LEMD1: variants seen among roughly 807,000 people sequenced by gnomAD.
The protein encoded by LEMD1 is LEM domain containing 1.
Under a neutral mutation model 17.4 loss-of-function variants are expected in LEMD1, and 18 were observed. That is an observed-to-expected ratio of 1.04 (90% CI 0.72 to 1.54). The LOEUF is 1.54. Among genes scored for constraint, LEMD1 ranks in the 40% most tolerant of loss-of-function variants. The pLI, the probability that LEMD1 is intolerant of heterozygous loss-of-function variation, is 0.00. For synonymous variants in LEMD1, 88 were observed against 77.8 expected (o/e 1.13, Z -0.69); for missense variants, 195 against 210.4 (o/e 0.93, Z 0.45).
intron 4 of LEMD1, among the ~76,000 whole-genome samples, chr1:205,400,445 G>A (rs138108140): frequency 8.6e-4 from 131 of 152,306 alleles, no homozygotes; most frequent in African/African-American, 2.7e-3. Context: ...GTCCCACGGC[G>A]ATGTAATGAG....
intron 4 of LEMD1, among the ~76,000 whole-genome samples, chr1:205,407,756 C>G (rs911254777): frequency 6.6e-6 from 1 of 152,130 alleles, no homozygotes; most frequent in Admixed American, 6.5e-5. Context: ...AGACCCAGGA[C>G]TTGAGATTGG....
chr1:205,448,262 C>G lies in LEMD1; in HGVS notation c.-39+1606G>C. The G allele has an allele frequency of 2.0e-6, 1 of 510,906 alleles. No individual in the cohort carries two copies. The highest frequency in any genetic ancestry group is 4.1e-6 in the Non-Finnish European group (1 of 242,712). 31.6% of individuals were successfully genotyped at this position (510,906 alleles called of 1,614,324 possible). ...TTCTGGTGCCCCTTGGTGGCTGGCTCCGAACCTGGTCCCATGGGAGGTGCA... is the reference window on the plus strand; with the variant it reads ...TTCTGGTGCCCCTTGGTGGCTGGCTGCGAACCTGGTCCCATGGGAGGTGCA... On this transcript the variant is annotated intron_variant, in intron 1 of 3. Transcript: ENST00000367154. The surrounding 1 kb of genome is among the most constrained non-coding windows in gnomAD (Gnocchi z 4.7).
At chr1:205,389,174 G>A (rs559374360) in intron 4 of LEMD1, among the ~76,000 whole-genome samples, 3 of 146,274 alleles carry the variant, frequency 2.1e-5, no homozygotes, top group Admixed American at 1.4e-4. Flanking sequence ...TCAGCCTCCC[G>A]AGTAGCTGAG....
intron 1 of LEMD1, among the ~76,000 whole-genome samples, chr1:205,449,414 G>A (rs932685558): frequency 2.0e-5 from 3 of 151,988 alleles, no homozygotes; most frequent in African/African-American, 7.2e-5. Context: ...ATGGTAAGAG[G>A]CCCCAGGCCC....
chr1:205,390,369 AC>A (rs1358968402), intron 4 of LEMD1, among the ~76,000 whole-genome samples: 2 of 151,768 alleles, frequency 1.3e-5, no homozygotes, highest in Non-Finnish European at 2.9e-5. Context: ...AAAAAAAAAA[AC>A]AACAAACTTT....
At chr1:205,447,949 A>C (rs1456867993) in intron 1 of LEMD1, among the ~76,000 whole-genome samples, 2 of 152,202 alleles carry the variant, frequency 1.3e-5, no homozygotes, top group Non-Finnish European at 2.9e-5. Context: ...GCAAAGGCCC[A>C]AGTCTTCATG....
upstream of LEMD1, among the ~76,000 whole-genome samples, chr1:205,422,450 G>T (rs977103058): frequency 6.6e-6 from 1 of 152,188 alleles, no homozygotes; most frequent in Non-Finnish European, 1.5e-5. Context: ...GTATTAATTT[G>T]TTAAGGATTA....
rs1030774600 is a variant in LEMD1 at position 205,448,449 on chromosome 1, C to T, written c.-39+1419G>A. Reference sequence around the variant, plus strand: ...TAGGGAAGCGAGAAGCTGGGGCACCCGAGAAGCCCTCACTCCCCTTCTCAG... The same window carrying T: ...TAGGGAAGCGAGAAGCTGGGGCACCTGAGAAGCCCTCACTCCCCTTCTCAG... On this transcript the variant is annotated intron_variant, in intron 1 of 3. Transcript: ENST00000367154. This position sits in a 1 kb window ranked among gnomAD's most constrained non-coding sequence, Gnocchi z 4.7. 3 of 529,328 alleles carry T rather than the reference C, an allele frequency of 5.7e-6. No homozygotes were observed. The highest frequency in any genetic ancestry group is 2.0e-5 in the Admixed American group (1 of 51,128). The allele number at this position is 529,328 out of a possible 1,614,324, so 32.8% of individuals were successfully genotyped here.
chr1:205,430,743 G>A (rs1170956579), intron 1 of LEMD1, among the ~76,000 whole-genome samples: 1 of 152,204 alleles, frequency 6.6e-6, no homozygotes, highest in African/African-American at 2.4e-5. Context: ...AGCAGCCGGC[G>A]AGGCGCACTG....
intron 4 of LEMD1, among the ~76,000 whole-genome samples, chr1:205,389,549 TTCTC>T (rs1453455692): frequency 2.0e-5 from 3 of 152,188 alleles, no homozygotes; most frequent in Non-Finnish European, 2.9e-5. Flanking sequence ...TACCCTTTCT[TTCTC>T]TTATTCTCCC....
chr1:205,429,901 G>A (rs1027344391), intron 1 of LEMD1, among the ~76,000 whole-genome samples: 10 of 152,094 alleles, frequency 6.6e-5, no homozygotes, highest in African/African-American at 1.7e-4. Context: ...GAGGGCAGCC[G>A]GCAGCCAGGC....
At chr1:205,431,530 GT>G (rs1294807073) in intron 1 of LEMD1, among the ~76,000 whole-genome samples, 1 of 152,176 alleles carries the variant, frequency 6.6e-6, no homozygotes, top group African/African-American at 2.4e-5. Flanking sequence ...GCCACAGATA[GT>G]AAAGACAACA....
At chr1:205,411,819 C>G (rs1665467109) in intron 4 of LEMD1, among the ~76,000 whole-genome samples, 1 of 152,104 alleles carries the variant, frequency 6.6e-6, no homozygotes, top group Non-Finnish European at 1.5e-5. Context: ...GCTGGGAGAA[C>G]AGAGTAAACT....
At chr1:205,414,304 C>T (rs577007918) in intron 4 of LEMD1, among the ~76,000 whole-genome samples, 6 of 151,726 alleles carry the variant, frequency 4.0e-5, no homozygotes, top group East Asian at 1.9e-4. Context: ...ATATGGAGGC[C>T]GGGCAAGGTG....
intron 4 of LEMD1, among the ~76,000 whole-genome samples, chr1:205,399,656 G>T (rs1664747415): frequency 6.6e-6 from 1 of 152,206 alleles, no homozygotes; most frequent in African/African-American, 2.4e-5. Flanking sequence ...ATAATGATGA[G>T]GACATGTCAA....
At chr1:205,422,816 G>A (rs868655854), upstream of LEMD1, among the ~76,000 whole-genome samples, 1 of 152,182 alleles carries the variant, frequency 6.6e-6, no homozygotes, top group Non-Finnish European at 1.5e-5. Flanking sequence ...GAGGACAGTG[G>A]AGACAGCCTG....
intron 1 of LEMD1, among the ~76,000 whole-genome samples, chr1:205,427,147 C>T (rs1468150682): frequency 6.6e-6 from 1 of 152,128 alleles, no homozygotes; most frequent in East Asian, 1.9e-4. Flanking sequence ...CTGGCTTTCA[C>T]ATCTGTGAAA....
At position 205,381,460 on chromosome 1, in the gene LEMD1, C is replaced by A; in HGVS notation, c.*198G>T. ...CTTGGGGGATTTCCTAACCATCATG[C>A]TCTTAACACAGGTGCCTGGTTAGGC... On this transcript the variant is annotated 3_prime_UTR_variant, in exon 6 of 6. Transcript: ENST00000367153. 1.7e-6 allele frequency: 1 copy of A among 604,914 alleles called. No homozygotes were observed. Among genetic ancestry groups the A allele is most frequent in the Non-Finnish European group, 2.9e-6 (1 of 340,592 alleles). The allele number at this position is 604,914 out of a possible 1,614,324, so 37.5% of individuals were successfully genotyped here.
At chr1:205,435,280 C>G (rs1666188379) in intron 1 of LEMD1, 1 of 152,230 alleles carries the variant, frequency 6.6e-6, no homozygotes, top group African/African-American at 2.4e-5. Context: ...ACCATTGACT[C>G]TCAGGGGTCT....
Sources: allele counts gnomAD v4.1 joint callset (sites outside exome capture counted in the v4.1 genomes callset), GRCh38; gene constraint gnomAD v4.1.1; non-coding constraint Gnocchi (gnomAD v3.1); transcripts MANE v1.5; gene names NCBI Gene and HGNC (gene_info 2026-07-23, HGNC 2026-07-21).